The following RPL34 variants were observed in gnomAD, a reference collection of about 807,000 sequenced individuals.
RPL34 encodes the protein large ribosomal subunit protein eL34.
In RPL34, 2 loss-of-function variants were observed where a neutral mutation model predicts 16.3. The ratio of observed to expected loss-of-function variants is 0.12; its 90% CI spans 0.05 to 0.39. The LOEUF (loss-of-function observed/expected upper bound fraction) is 0.39. Among genes scored for constraint, RPL34 ranks in the 10% least tolerant of loss-of-function variants. The pLI, the probability that RPL34 is intolerant of heterozygous loss-of-function variation, is 0.99. For synonymous variants in RPL34, 47 were observed against 48.5 expected, an observed-to-expected ratio of 0.97 and a Z score of 0.13; for missense variants, 82 against 148.8, an observed-to-expected ratio of 0.55 and a Z score of 2.33.
intron 3 of RPL34, 40 bp downstream of exon 3, chr4:108,622,244 G>C: frequency 7.3e-7 from 1 of 1,373,174 alleles, no homozygotes; most frequent in Non-Finnish European, 1.0e-6. Flanking sequence ...AACAAGTCTT[G>C]AACTTACTGA....
intron 4 of RPL34, among the ~76,000 whole-genome samples, chr4:108,624,252 T>G (rs1468010348): frequency 6.6e-6 from 1 of 152,168 alleles, no homozygotes; most frequent in African/African-American, 2.4e-5. Flanking sequence ...TTGAGTAAGT[T>G]AAGGGAATTT....
At chr4:108,627,424 CA>C (rs1174130001), downstream of RPL34, among the ~76,000 whole-genome samples, 2 of 151,064 alleles carry the variant, frequency 1.3e-5, no homozygotes, top group African/African-American at 4.9e-5. Flanking sequence ...AGGTAAAAGG[CA>C]AAAAAAATGG....
chr4:108,626,446 CCT>C (rs1491308591), downstream of RPL34, among the ~76,000 whole-genome samples: 2 of 127,694 alleles, frequency 1.6e-5, no homozygotes, highest in African/African-American at 5.5e-5. Flanking sequence ...TGGCTGACAA[CCT>C]TTTTTTTTTT....
chr4:108,621,468 G>A (rs78927783), intron 1 of RPL34: 6,108 of 172,426 alleles, frequency 0.035, 154 homozygotes, highest in African/African-American at 0.074. Flanking sequence ...ATTGTGTTGG[G>A]ACGGATAGCC....
Position 108,625,296 on chromosome 4 carries a change from A to G in RPL34, c.*84A>G, listed in dbSNP as rs529494956. 49 of 754,932 alleles carry G rather than the reference A, an allele frequency of 6.5e-5. No individual in the cohort carries two copies. The East Asian group carries it at 1.3e-3, about 20-fold the overall frequency. The allele number at this position is 754,932 out of a possible 1,614,324, so 46.8% of individuals were successfully genotyped here. A position where few individuals can be genotyped will look rare whatever the true frequency, so the allele number is the denominator to read the frequency against. ...TTTTTCTGTTGTAATGTGTTAGTAT[A>G]CAGATTTTGTTTCTGTATGGTATTT... is the stretch of plus-strand genomic sequence containing the variant. On this transcript the variant is annotated 3_prime_UTR_variant, in exon 5 of 5. Transcript: ENST00000394667.
Position 108,625,311 on chromosome 4 carries a change from G to A in RPL34, c.*99G>A. On this transcript the variant is annotated 3_prime_UTR_variant, in exon 5 of 5. Transcript: ENST00000394667. ...GTGTTAGTATACAGATTTTGTTTCT[G>A]TATGGTATTTGGGGACCCTATAGTT... The A allele has an allele frequency of 1.5e-6, 1 of 677,322 alleles. No individual in the cohort carries two copies. The highest frequency in any genetic ancestry group is 1.8e-5 in the South Asian group (1 of 54,134). 42.0% of individuals were successfully genotyped at this position (677,322 alleles called of 1,614,324 possible). A position where few individuals can be genotyped will look rare whatever the true frequency, so the allele number is the denominator to read the frequency against.
At chr4:108,629,519 C>T (rs1374620165), downstream of RPL34, among the ~76,000 whole-genome samples, 2 of 152,144 alleles carry the variant, frequency 1.3e-5, no homozygotes, top group African/African-American at 2.4e-5. Context: ...GTCCAAGTGA[C>T]CCAAATGGAT....
chr4:108,625,049 C>A, intron 4 of RPL34, 79 bp from the exon 5 acceptor site: 2 of 946,228 alleles, frequency 2.1e-6, no homozygotes, highest in Non-Finnish European at 3.3e-6. Flanking sequence ...TGGTTCTTTA[C>A]CATGTTTGCC....
chr4:108,622,001 T>C lies in RPL34; in HGVS notation c.42T>C (p.Asn14=), dbSNP rs755027872. 8.7e-6 allele frequency: 14 copies of C among 1,612,912 alleles called. No individual in the cohort carries two copies. In the South Asian group the frequency reaches 1.3e-4, roughly 15 times the overall value. The part of the protein sequence containing the change: ...RLTYRRRLSY[N]TASNKTRLSR... ...CATACCGACGTAGGCTTTCCTACAA[T>C]ACAGCCTCTAACAAAACTAGGCTGT... The change falls in exon 2 of 5, where the codon AAT becomes AAC. Residue 14 remains asparagine (N), a synonymous_variant. Transcript: ENST00000394667.
chr4:108,621,873 T>G, intron 1 of RPL34, 78 bp from the exon 2 acceptor site: 1 of 941,662 alleles, frequency 1.1e-6, no homozygotes, highest in Non-Finnish European at 1.7e-6. Context: ...GTGAATGAAA[T>G]AGACCACATG....
At position 108,625,262 on chromosome 4, in the gene RPL34, G is replaced by A. The variant is rs1725960363; in HGVS notation, c.*50G>A. 9 of 1,159,490 alleles carry A rather than the reference G, an allele frequency of 7.8e-6. No homozygotes were observed. The highest frequency in any genetic ancestry group is 1.1e-5 in the Non-Finnish European group (9 of 796,026). The allele number at this position is 1,159,490 out of a possible 1,614,324, so 71.8% of individuals were successfully genotyped here. A position where few individuals can be genotyped will look rare whatever the true frequency, so the allele number is the denominator to read the frequency against. On this transcript the variant is annotated 3_prime_UTR_variant, in exon 5 of 5. Transcript: ENST00000394667. ...AAAAATGAAAAGACGCTGTATGTATGACTTTTTTTTTTTCTGTTGTAATGT... is the reference window on the plus strand; with the variant it reads ...AAAAATGAAAAGACGCTGTATGTATAACTTTTTTTTTTTCTGTTGTAATGT...
At chr4:108,627,354 C>T (rs1414985992), downstream of RPL34, among the ~76,000 whole-genome samples, 9 of 151,682 alleles carry the variant, frequency 5.9e-5, no homozygotes, top group Non-Finnish European at 1.3e-4. Flanking sequence ...TTGGAGACCA[C>T]CCTGGGCAGC....
downstream of RPL34, among the ~76,000 whole-genome samples, chr4:108,627,587 C>T (rs1313778471): frequency 2.6e-5 from 4 of 151,934 alleles, no homozygotes; most frequent in African/African-American, 4.8e-5. Context: ...AACCGCCAGG[C>T]GCGGTGGCTC....
intron 4 of RPL34, among the ~76,000 whole-genome samples, chr4:108,624,434 A>G (rs1725912468): frequency 6.6e-6 from 1 of 152,128 alleles, no homozygotes; most frequent in Non-Finnish European, 1.5e-5. Flanking sequence ...TCTGGTGGTA[A>G]CTCTGATTTA....
At chr4:108,628,821 C>T (rs1254239157), downstream of RPL34, among the ~76,000 whole-genome samples, 1 of 151,810 alleles carries the variant, frequency 6.6e-6, no homozygotes, top group Non-Finnish European at 1.5e-5. Flanking sequence ...TCACTACTTA[C>T]TATTATTATT....
rs934191834 is a variant in RPL34, at chr4:108,620,581, T to G, written c.-29T>G. ...CTGGCAAAGGCTTTTTTCTTCCTCT[T>G]CCGGGGACGTTGTCTGCAGGTATGG... On this transcript the variant is annotated 5_prime_UTR_variant, in exon 1 of 5. Transcript: ENST00000394667. The G allele has an allele frequency of 3.2e-6, 1 of 317,418 alleles. No homozygotes were observed. Among genetic ancestry groups the G allele is most frequent in the African/African-American group, 2.2e-5 (1 of 46,038 alleles). 19.7% of individuals were successfully genotyped at this position (317,418 alleles called of 1,614,324 possible). A position where few individuals can be genotyped will look rare whatever the true frequency, so the allele number is the denominator to read the frequency against.
chr4:108,628,007 A>G (rs1335312076), downstream of RPL34, among the ~76,000 whole-genome samples: 1 of 152,216 alleles, frequency 6.6e-6, no homozygotes, highest in Non-Finnish European at 1.5e-5. Context: ...TAGAAAACCC[A>G]GAGCCATTTG....
At chr4:108,621,902 AT>A (rs1239625088) in intron 1 of RPL34, 48 bp from the exon 2 acceptor site, 1 of 1,247,988 alleles carries the variant, frequency 8.0e-7, no homozygotes, top group Non-Finnish European at 1.2e-6. Flanking sequence ...TTGAGATTTT[AT>A]TTACTTTTAC....
At chr4:108,625,442 A>G (rs765654616), downstream of RPL34, 8 of 405,360 alleles carry the variant, frequency 2.0e-5, no homozygotes, top group Non-Finnish European at 3.2e-5. Context: ...CTGGAGTACA[A>G]TGGCAGGATC....
Sources: allele counts gnomAD v4.1 joint callset (sites outside exome capture counted in the v4.1 genomes callset), GRCh38; gene constraint gnomAD v4.1.1; transcripts MANE v1.5; gene names NCBI Gene and HGNC (gene_info 2026-07-23, HGNC 2026-07-21).